The following ABLIM1 variants were observed in gnomAD, a reference collection of about 807,000 sequenced individuals.
The protein encoded by ABLIM1 is actin-binding LIM protein 1.
ABLIM1 carries 40 observed loss-of-function variants against 107.0 expected under a neutral mutation model. The observed-to-expected ratio is 0.37, with a 90% CI of 0.29 to 0.49. The LOEUF (loss-of-function observed/expected upper bound fraction) is 0.49, where lower values mean the gene tolerates loss of function less well. Ranked by LOEUF, ABLIM1 falls within the 20% of genes least tolerant of loss-of-function variation. The pLI is 0.97. For synonymous variants in ABLIM1, 357 were observed against 357.3 expected (o/e 1.00, Z 0.01); for missense variants, 857 against 1,008.5 (o/e 0.85, Z 2.04).
chr10:114,465,558 G>T (rs1297150191), intron 12 of ABLIM1, 140 bp downstream of exon 12: 1 of 973,248 alleles, frequency 1.0e-6, no homozygotes, highest in Non-Finnish European at 1.5e-6. Context: ...AATATAGTTG[G>T]ATACCAGTTT....
At chr10:114,615,924 C>T (rs1424812074) in intron 1 of ABLIM1, among the ~76,000 whole-genome samples, 1 of 152,098 alleles carries the variant, frequency 6.6e-6, no homozygotes, top group Non-Finnish European at 1.5e-5. Flanking sequence ...TTCCAGCTGA[C>T]CTGACTTGCA....
intron 1 of ABLIM1, among the ~76,000 whole-genome samples, chr10:114,675,780 GT>G (rs775286798): frequency 6.6e-6 from 1 of 152,190 alleles, no homozygotes; most frequent in Non-Finnish European, 1.5e-5. Context: ...GAAATTCAAA[GT>G]CAAAGAGTGC....
At chr10:114,753,971 C>G (rs1169248424) in intron 1 of ABLIM1, among the ~76,000 whole-genome samples, 1 of 152,174 alleles carries the variant, frequency 6.6e-6, no homozygotes, top group African/African-American at 2.4e-5. Context: ...CCTGCCTCAG[C>G]CTCCCAAGTA....
intron 1 of ABLIM1, among the ~76,000 whole-genome samples, chr10:114,718,292 C>T (rs561803041): frequency 6.6e-6 from 1 of 152,096 alleles, no homozygotes; most frequent in Non-Finnish European, 1.5e-5. Flanking sequence ...AAACTATCAG[C>T]AGCCAGCCCC....
chr10:114,541,029 C>T (rs1015228141), intron 6 of ABLIM1, among the ~76,000 whole-genome samples: 2 of 152,062 alleles, frequency 1.3e-5, no homozygotes, highest in Admixed American at 1.3e-4. Flanking sequence ...AGTGGCTTTA[C>T]AGGAAAGAGG....
Position 114,530,957 on chromosome 10 carries a change from A to T in ABLIM1, c.894+14048T>A, listed in dbSNP as rs116134944. Among the ~76,000 whole-genome samples, 716 of 152,326 alleles carry T rather than the reference A, an allele frequency of 4.7e-3. 6 individuals carry two copies. Among genetic ancestry groups the T allele is most frequent in the African/African-American group, 0.016 (681 of 41,574 alleles). ...GGGAAAAATAATCATTTATCCACACACCTTTATTGAGCAGTTTTCAGATGC... is the reference window on the plus strand; with the variant it reads ...GGGAAAAATAATCATTTATCCACACTCCTTTATTGAGCAGTTTTCAGATGC... On this transcript the variant is annotated intron_variant, in intron 6 of 22. Transcript: ENST00000533213.
At chr10:114,552,568 A>G (rs2068202573) in intron 4 of ABLIM1, among the ~76,000 whole-genome samples, 1 of 151,974 alleles carries the variant, frequency 6.6e-6, no homozygotes, top group Non-Finnish European at 1.5e-5. Flanking sequence ...ATCAAAAGCC[A>G]GAAAAAAGCA....
intron 2 of ABLIM1, among the ~76,000 whole-genome samples, chr10:114,597,864 T>C (rs1352607346): frequency 2.0e-5 from 3 of 152,180 alleles, no homozygotes; most frequent in Non-Finnish European, 2.9e-5. Context: ...ACTTTGACAC[T>C]GGCAAGAATT....
At chr10:114,684,729 C>T in exon 1 of ABLIM1, 1 of 1,029,162 alleles carries the variant, frequency 9.7e-7, no homozygotes, top group Non-Finnish European at 1.2e-6. Flanking sequence ...TAGGATTTTC[C>T]TGCATTCTGC....
At chr10:114,603,428 C>T (rs1304367852) in intron 1 of ABLIM1, among the ~76,000 whole-genome samples, 4 of 152,018 alleles carry the variant, frequency 2.6e-5, no homozygotes, top group African/African-American at 9.7e-5. Context: ...CTGCAAGGGA[C>T]CCTGGGAATG....
chr10:114,662,834 C>T (rs1341097727), upstream of ABLIM1, among the ~76,000 whole-genome samples: 1 of 152,238 alleles, frequency 6.6e-6, no homozygotes, highest in East Asian at 1.9e-4. Flanking sequence ...CCAAGTGTCT[C>T]AAATTACTCT....
intron 1 of ABLIM1, among the ~76,000 whole-genome samples, chr10:114,718,148 GAAAA>G (rs1339421877): frequency 6.8e-6 from 1 of 146,342 alleles, no homozygotes; most frequent in Non-Finnish European, 1.5e-5. Context: ...GAAAGAAAGA[GAAAA>G]AAAGAAAAAG....
chr10:114,521,765 T>A (rs1240310819), intron 6 of ABLIM1, among the ~76,000 whole-genome samples: 1 of 152,158 alleles, frequency 6.6e-6, no homozygotes, highest in Non-Finnish European at 1.5e-5. Flanking sequence ...TATCAGATGA[T>A]GTTTTAGTTT....
At position 114,571,307 on chromosome 10, in the gene ABLIM1, G is replaced by T; in HGVS notation, c.663C>A (p.Thr221=). The change falls in exon 4 of 23, where the codon ACC becomes ACA. Residue 221 remains threonine (T), a synonymous_variant. Coordinates refer to ENST00000533213, the MANE Select transcript of ABLIM1 (RefSeq NM_002313.7). ...QPMSSSPKET[T]FSSNCAGCGR... is the part of the protein sequence containing the mutation. ...CACCGGGGCACTTACTGCTGGAGAA[G>T]GTGGTTTCTTTCGGACTGGACGACA... 6.2e-7 allele frequency: 1 copy of T among 1,614,206 alleles called. No homozygotes were observed. The highest frequency in any genetic ancestry group is 8.5e-7 in the Non-Finnish European group (1 of 1,180,010).
intron 1 of ABLIM1, chr10:114,632,063 G>T: frequency 5.8e-6 from 7 of 1,207,356 alleles, no homozygotes; most frequent in Non-Finnish European, 5.3e-6. Flanking sequence ...CGGGGCTGTG[G>T]TCTCGAGTCC....
rs180738108 is a variant in ABLIM1, at chr10:114,443,895, T to G, written c.1933+134A>C. ...GACATGCTTATGAGCTCATTTGACA[T>G]GGAGTGGGTTTCCCACACTTCCTTT... On this transcript the variant is annotated intron_variant, in intron 17 of 22. Transcript: ENST00000533213. The G allele has an allele frequency of 3.0e-5, 20 of 672,664 alleles. No homozygotes were observed. The East Asian group carries it at 5.0e-4, about 17-fold the overall frequency. 41.7% of individuals were successfully genotyped at this position (672,664 alleles called of 1,614,324 possible). A position where few individuals can be genotyped will look rare whatever the true frequency, so the allele number is the denominator to read the frequency against.
intron 4 of ABLIM1, among the ~76,000 whole-genome samples, chr10:114,568,731 G>A (rs2071184625): frequency 6.6e-6 from 1 of 152,188 alleles, no homozygotes; most frequent in South Asian, 2.1e-4. Flanking sequence ...GCATAGAAAT[G>A]GGATTTCATC....
intron 6 of ABLIM1, among the ~76,000 whole-genome samples, chr10:114,542,807 C>A (rs1294724152): frequency 3.9e-5 from 6 of 152,294 alleles, no homozygotes; most frequent in Middle Eastern, 3.4e-3. Flanking sequence ...GGGGAGGCAC[C>A]AACCTCCTGT....
chr10:114,749,926 G>A (rs376293024), intron 1 of ABLIM1, among the ~76,000 whole-genome samples: 14 of 152,008 alleles, frequency 9.2e-5, no homozygotes, highest in East Asian at 5.8e-4. Context: ...CTCCATCCCC[G>A]ATCCCTGCTT....
Sources: gnomAD v4.1 joint callset for allele counts (sites outside exome capture counted in the v4.1 genomes callset) on GRCh38, gnomAD v4.1.1 for gene constraint, MANE v1.5 for transcripts, NCBI Gene and HGNC (gene_info 2026-07-23, HGNC 2026-07-21) for gene names.